The following DLC1 variants were observed in gnomAD, a reference collection of about 807,000 sequenced individuals.
The protein encoded by DLC1 is DLC1 Rho GTPase activating protein.
Under a neutral mutation model 140.3 loss-of-function variants are expected in DLC1, and 54 were observed. The observed-to-expected ratio is 0.38, with a 90% CI of 0.31 to 0.48. The LOEUF is 0.48. DLC1 is among the 20% of genes least tolerant of loss of function. DLC1 has a pLI of 0.96. For missense variants in DLC1, 2,536 were observed against 1,907.0 expected, an observed-to-expected ratio of 1.33 and a Z score of -6.14; for synonymous variants, 986 against 728.1, an observed-to-expected ratio of 1.35 and a Z score of -5.70.
At chr8:13,327,067 G>C (rs924386235) in intron 4 of DLC1, among the ~76,000 whole-genome samples, 2 of 148,528 alleles carry the variant, frequency 1.3e-5, no homozygotes, top group East Asian at 4.0e-4. Flanking sequence ...CCACTCTCCC[G>C]CCTCAGCCTC....
At chr8:13,353,717 C>A (rs961541528) in intron 4 of DLC1, among the ~76,000 whole-genome samples, 26 of 151,988 alleles carry the variant, frequency 1.7e-4, no homozygotes, top group African/African-American at 5.6e-4. Context: ...GTTAGCCAGG[C>A]CTGTTGGCAG....
rs1341602227 is a variant in DLC1 at position 13,481,683 on chromosome 8, T to TTA, written c.1023+17364_1023+17365dup. Among the ~76,000 whole-genome samples, 4 of 152,128 alleles carry TTA rather than the reference T, an allele frequency of 2.6e-5. No individual in the cohort carries two copies. In the East Asian group the frequency reaches 7.7e-4, roughly 29 times the overall value. On this transcript the variant is annotated intron_variant, in intron 2 of 17. Coordinates refer to ENST00000276297, the MANE Select transcript of DLC1 (RefSeq NM_182643.3). Reference sequence around the variant, plus strand: ...GCTTGGCACAAAACATAAGCACTGGTTATAGGTTGAACTGGACCCCTCTCC... The same window carrying TTA: ...GCTTGGCACAAAACATAAGCACTGGTTATATAGGTTGAACTGGACCCCTCTCC...
chr8:13,301,780 T>A (rs999935904), intron 5 of DLC1, among the ~76,000 whole-genome samples: 2 of 152,154 alleles, frequency 1.3e-5, no homozygotes, highest in Non-Finnish European at 2.9e-5. Flanking sequence ...TCTTGTGAGA[T>A]CAGCGGCAGC....
chr8:13,443,025 TA>T lies in DLC1; in HGVS notation c.1024-41407del, dbSNP rs1386153182. On this transcript the variant is annotated intron_variant, in intron 2 of 17. Transcript: ENST00000276297. Reference sequence around the variant, plus strand: ...TACACCATGGAATACTATGCAGCCATAAAAAAGGATGAGTTCATGTCCTTTG... The same window carrying T: ...TACACCATGGAATACTATGCAGCCATAAAAAGGATGAGTTCATGTCCTTTG... 3.3e-5 allele frequency among the ~76,000 whole-genome samples: 5 copies of T among 151,994 alleles called. No individual in the cohort carries two copies. In the South Asian group the frequency reaches 1.0e-3, roughly 32 times the overall value.
intron 1 of DLC1, among the ~76,000 whole-genome samples, chr8:13,575,417 G>C (rs1282346497): frequency 1.3e-5 from 2 of 151,976 alleles, no homozygotes; most frequent in African/African-American, 4.8e-5. Flanking sequence ...GACTAGCATG[G>C]CTTTTATTAT....
chr8:13,344,377 C>T (rs1834218340), intron 4 of DLC1, among the ~76,000 whole-genome samples: 1 of 152,142 alleles, frequency 6.6e-6, no homozygotes, highest in African/African-American at 2.4e-5. Flanking sequence ...CCTGTAATCC[C>T]AGCTACTTGG....
At chr8:13,539,539 G>C (rs914423653) in intron 1 of DLC1, among the ~76,000 whole-genome samples, 2 of 152,160 alleles carry the variant, frequency 1.3e-5, no homozygotes, top group Non-Finnish European at 2.9e-5. Context: ...AAACCAGCAA[G>C]CTGAGAGCTC....
chr8:13,095,357 G>A, intron 10 of DLC1, 112 bp from the exon 11 acceptor site: 2 of 1,323,814 alleles, frequency 1.5e-6, no homozygotes, highest in Non-Finnish European at 2.1e-6. Context: ...TGCTAATACG[G>A]TGGCTACTTA....
chr8:13,220,754 C>G (rs1014899181), intron 5 of DLC1, among the ~76,000 whole-genome samples: 1 of 152,088 alleles, frequency 6.6e-6, no homozygotes, highest in Non-Finnish European at 1.5e-5. Flanking sequence ...ACTTTAGGAA[C>G]TAAATATGTA....
At chr8:13,489,854 T>C (rs557830822) in intron 2 of DLC1, among the ~76,000 whole-genome samples, 1 of 152,350 alleles carries the variant, frequency 6.6e-6, no homozygotes, top group East Asian at 1.9e-4. Flanking sequence ...TCAGATATAA[T>C]AATTCTGCAC....
intron 1 of DLC1, among the ~76,000 whole-genome samples, chr8:13,538,157 C>G (rs189019734): frequency 6.6e-6 from 1 of 151,966 alleles, no homozygotes; most frequent in Non-Finnish European, 1.5e-5. Flanking sequence ...GAGAAATAGG[C>G]CTTCTTAAAT....
chr8:13,585,895 A>T (rs1460630800), intron 1 of DLC1, among the ~76,000 whole-genome samples: 1 of 152,170 alleles, frequency 6.6e-6, no homozygotes, highest in Admixed American at 6.5e-5. Flanking sequence ...GTACTTTTTC[A>T]GTGTATTAAT....
chr8:13,468,950 A>G (rs576233444), intron 2 of DLC1, among the ~76,000 whole-genome samples: 15 of 150,188 alleles, frequency 1.0e-4, no homozygotes, highest in Non-Finnish European at 1.6e-4. Flanking sequence ...CCTCCCGAAT[A>G]GCTGGGACTG....
At chr8:13,224,958 C>T (rs747929936) in intron 5 of DLC1, among the ~76,000 whole-genome samples, 1 of 152,214 alleles carries the variant, frequency 6.6e-6, no homozygotes, top group Non-Finnish European at 1.5e-5. Flanking sequence ...ATGAGCTCTT[C>T]ACTTAGGGGC....
At chr8:13,138,368 A>G (rs1822720775) in intron 5 of DLC1, among the ~76,000 whole-genome samples, 2 of 152,224 alleles carry the variant, frequency 1.3e-5, no homozygotes, top group South Asian at 2.1e-4. Context: ...CTGGCAACTA[A>G]TTTTAAAAAA....
intron 5 of DLC1, among the ~76,000 whole-genome samples, chr8:13,126,673 G>A (rs1821600898): frequency 6.6e-6 from 1 of 151,920 alleles, no homozygotes; most frequent in South Asian, 2.1e-4. Context: ...CAAAATATCT[G>A]GTTACAAACC....
intron 5 of DLC1, among the ~76,000 whole-genome samples, chr8:13,128,282 G>T (rs1013348815): frequency 1.3e-5 from 2 of 152,060 alleles, no homozygotes; most frequent in South Asian, 4.1e-4. Flanking sequence ...ACATTATTTC[G>T]TACAGTCAAC....
In DLC1 at chr8:13,305,261, C is replaced by A; in HGVS notation, c.1348+8G>T. On this transcript the variant is annotated splice_region_variant and intron_variant, in intron 5 of 17. Transcript: ENST00000276297. ...TGGCGAGAAAACAGAACCAAAATGT[C>A]AACTTACCAGCCTTTTCCTTCTCTG... 1 of 1,606,886 alleles carries A rather than the reference C, an allele frequency of 6.2e-7. No homozygotes were observed. The highest frequency in any genetic ancestry group is 1.1e-5 in the South Asian group (1 of 89,156).
At chr8:13,105,282 T>A (rs1819467288) in intron 7 of DLC1, among the ~76,000 whole-genome samples, 1 of 152,202 alleles carries the variant, frequency 6.6e-6, no homozygotes, top group Non-Finnish European at 1.5e-5. Context: ...TCTGTGGTTT[T>A]CATTTGTCCT....
Sources: allele counts gnomAD v4.1 joint callset (sites outside exome capture counted in the v4.1 genomes callset), GRCh38; gene constraint gnomAD v4.1.1; transcripts MANE v1.5; gene names NCBI Gene and HGNC (gene_info 2026-07-23, HGNC 2026-07-21).